Variants in SETD1B observed in about 807,000 individuals in gnomAD.
SETD1B encodes the protein histone-lysine N-methyltransferase SETD1B.
Under a neutral mutation model 148.0 loss-of-function variants are expected in SETD1B, and 7 were observed. The ratio of observed to expected loss-of-function variants is 0.05; its 90% confidence interval spans 0.03 to 0.09. The LOEUF is 0.09. Ranked by LOEUF, SETD1B falls within the 10% of genes least tolerant of loss-of-function variation. SETD1B has a pLI of 1.00. For synonymous variants in SETD1B, 1,361 were observed against 1,186.5 expected (o/e 1.15, Z -3.02); for missense variants, 2,155 against 2,729.9 (o/e 0.79, Z 4.69).
At chr12:121,794,805 C>G in the SETD1B span, among the ~76,000 whole-genome samples, 1 of 152,088 alleles carries the variant, frequency 6.6e-6, no homozygotes, top group African/African-American at 2.4e-5. Context: ...CGGTCCACGG[C>G]AGACAGGCAC....
chr12:121,802,932 C>T (rs1383108245), upstream of SETD1B: 1 of 152,282 alleles, frequency 6.6e-6, no homozygotes, highest in East Asian at 1.9e-4. Context: ...GTTGGCCTCT[C>T]CTTCGTGTCT....
chr12:121,821,481 G>A (rs1876565961), intron 11 of SETD1B, among the ~76,000 whole-genome samples: 1 of 150,954 alleles, frequency 6.6e-6, no homozygotes, highest in South Asian at 2.1e-4. Flanking sequence ...CGGGCGCGGT[G>A]GCTCACACCT....
chr12:121,795,038 C>T, the SETD1B span, among the ~76,000 whole-genome samples: 1 of 152,150 alleles, frequency 6.6e-6, no homozygotes. Context: ...GGAGGAAAAC[C>T]GCCAACCTGG....
chr12:121,819,553 G>C lies in SETD1B; in HGVS notation c.3568G>C (p.Glu1190Gln). 1 of 1,551,328 alleles carries C rather than the reference G, an allele frequency of 6.4e-7. No individual in the cohort carries two copies. The highest frequency in any genetic ancestry group is 8.7e-7 in the Non-Finnish European group (1 of 1,146,244). Residue 1190 changes from glutamate to glutamine, a missense_variant, in exon 11 of 17, where the codon GAG becomes CAG. By Grantham distance (29) the Glu-to-Gln change is conservative. This residue lies in a region of SETD1B where 862 missense variants were observed against 873.8 expected (regional missense o/e 0.99). Transcript: ENST00000604567. ...EVVAREEEEE[E>Q]EEEEMVAEES... Reference sequence around the variant, plus strand: ...AGTGGCCAGGGAAGAGGAGGAAGAAGAGGAGGAGGAGGAGATGGTGGCCGA... The same window carrying C: ...AGTGGCCAGGGAAGAGGAGGAAGAACAGGAGGAGGAGGAGATGGTGGCCGA...
Position 121,830,019 on chromosome 12 carries a change from G to C in SETD1B, c.5728-47G>C, listed in dbSNP as rs1369182975. ...GTTTGGGGGGTCTGCAGTGGTGGGG[G>C]ACCCTGGGGGACCAGGGGCTCATTC... is the stretch of plus-strand genomic sequence containing the variant. On this transcript the variant is annotated intron_variant, in intron 16 of 16. Coordinates refer to ENST00000604567, the MANE Select transcript of SETD1B (RefSeq NM_001353345.2). This position sits in a 1 kb window ranked among gnomAD's most constrained non-coding sequence, Gnocchi z 5.7. 1.3e-6 allele frequency: 2 copies of C among 1,522,938 alleles called. No individual in the cohort carries two copies. Among genetic ancestry groups the C allele is most frequent in the Non-Finnish European group, 1.8e-6 (2 of 1,129,346 alleles). The allele number at this position is 1,522,938 out of a possible 1,614,324, so 94.3% of individuals were successfully genotyped here.
At position 121,814,566 on chromosome 12, in the gene SETD1B, G is replaced by A. The variant is rs1876196467; in HGVS notation, c.2351G>A (p.Arg784Gln). The change falls in exon 7 of 17, where the codon CGG becomes CAG. Residue 784 changes from arginine to glutamine, a missense_variant. Physicochemically the swap from Arg to Gln is conservative, Grantham distance 43. Around this residue, in one of 11 missense-constraint regions of SETD1B, gnomAD observed 289 missense variants for 423.7 expected, o/e 0.68. Transcript: ENST00000604567. ...SFQMQTQVLSRLMTGQGACPY... is the reference protein window; with the variant it reads ...SFQMQTQVLSQLMTGQGACPY... Reference sequence around the variant, plus strand: ...CAGATGCAAACGCAGGTGCTCAGCCGGCTGATGACGGGCCAGGGCGCCTGC... The same window carrying A: ...CAGATGCAAACGCAGGTGCTCAGCCAGCTGATGACGGGCCAGGGCGCCTGC... 1.3e-6 allele frequency: 2 copies of A among 1,506,432 alleles called. No individual in the cohort carries two copies. The highest frequency in any genetic ancestry group is 2.5e-5 in the East Asian group (1 of 40,312). 93.3% of individuals were successfully genotyped at this position (1,506,432 alleles called of 1,614,324 possible). A position where few individuals can be genotyped will look rare whatever the true frequency, so the allele number is the denominator to read the frequency against.
rs1409166648 is a variant in SETD1B at position 121,823,469 on chromosome 12, G to A, written c.4890G>A (p.Glu1630=). 1.3e-6 allele frequency: 2 copies of A among 1,550,302 alleles called. No individual in the cohort carries two copies. The highest frequency in any genetic ancestry group is 1.7e-6 in the Non-Finnish European group (2 of 1,146,888). ...PGPRGRDEVT[E]EYMELAKSRG... ...CCCGTGGGCGCGATGAGGTCACTGAGGAATACATGGAGTTGGCCAAGAGCC... is the reference window on the plus strand; with the variant it reads ...CCCGTGGGCGCGATGAGGTCACTGAAGAATACATGGAGTTGGCCAAGAGCC... The change falls in exon 12 of 17, where the codon GAG becomes GAA. Residue 1630 remains glutamate, a synonymous_variant. Transcript: ENST00000604567.
rs1054826458 is a variant in SETD1B, at chr12:121,808,067, G to C, written c.545-141G>C. 1 of 613,984 alleles carries C rather than the reference G, an allele frequency of 1.6e-6. No individual in the cohort carries two copies. Among genetic ancestry groups the C allele is most frequent in the Non-Finnish European group, 2.9e-6 (1 of 343,532 alleles). 38.0% of individuals were successfully genotyped at this position (613,984 alleles called of 1,614,324 possible). A position where few individuals can be genotyped will look rare whatever the true frequency, so the allele number is the denominator to read the frequency against. On this transcript the variant is annotated intron_variant, in intron 4 of 16. Transcript: ENST00000604567. This position sits in a 1 kb window ranked among gnomAD's most constrained non-coding sequence, Gnocchi z 5.3. The stretch of plus-strand genomic sequence containing the variant: ...CCCTGAGCGAGGTGCAGAGGGGTGG[G>C]AACTCAGGGCCACACAGCCTCCCTA...
chr12:121,793,888 C>T, the SETD1B span: 6 of 367,440 alleles, frequency 1.6e-5, no homozygotes, highest in Non-Finnish European at 2.9e-5. Flanking sequence ...AAGCTCCCAC[C>T]CCCAACCCAC....
intron 11 of SETD1B, 53 bp from the exon 12 acceptor site, chr12:121,822,435 TGA>T: frequency 6.8e-7 from 1 of 1,479,732 alleles, no homozygotes; most frequent in Non-Finnish European, 9.0e-7. Flanking sequence ...AATAAGGCAC[TGA>T]GAGACGTTTG....
rs917639822 is a variant in SETD1B, at chr12:121,814,163, C to T, written c.1948C>T (p.Pro650Ser). The T allele has an allele frequency of 1.9e-6, 3 of 1,548,066 alleles. No homozygotes were observed. The highest frequency in any genetic ancestry group is 3.4e-4 in the Middle Eastern group (2 of 5,806). Residue 650 changes from proline to serine, a missense_variant, in exon 7 of 17, where the codon CCC becomes TCC. Coordinates refer to ENST00000604567, the MANE Select transcript of SETD1B (RefSeq NM_001353345.2). ...EISDDEMPSA[P>S]ITSADCPKPM... ...CTCGGATGACGAGATGCCCTCGGCC[C>T]CCATCACCAGCGCTGACTGCCCCAA...
chr12:121,817,453 C>G lies in SETD1B; in HGVS notation c.3061C>G (p.Arg1021Gly). 11 of 1,547,152 alleles carry G rather than the reference C, an allele frequency of 7.1e-6. No individual in the cohort carries two copies. Among genetic ancestry groups the G allele is most frequent in the Non-Finnish European group, 8.7e-6 (10 of 1,143,884 alleles). ...KRDPKGVGVR[R>G]RPARPLELDS... ...GGACCCCAAGGGCGTGGGTGTGCGG[C>G]GGCGGCCGGCGCGGCCTCTGGAGCT... Residue 1021 changes from arginine (R) to glycine (G), a missense_variant, in exon 9 of 17, where the codon CGG becomes GGG. Transcript: ENST00000604567. This position sits in a 1 kb window ranked among gnomAD's most constrained non-coding sequence, Gnocchi z 8.1.
At chr12:121,821,140 A>G (rs1462968888) in intron 11 of SETD1B, among the ~76,000 whole-genome samples, 1 of 152,194 alleles carries the variant, frequency 6.6e-6, no homozygotes, top group East Asian at 1.9e-4. Flanking sequence ...TTCCACCATT[A>G]ACCACAGTCT....
Position 121,805,276 on chromosome 12 carries a change from C to T in SETD1B, c.273+60C>T. The T allele has an allele frequency of 8.5e-7, 1 of 1,176,172 alleles. No individual in the cohort carries two copies. Among genetic ancestry groups the T allele is most frequent in the Non-Finnish European group, 1.2e-6 (1 of 866,670 alleles). 72.9% of individuals were successfully genotyped at this position (1,176,172 alleles called of 1,614,324 possible). ...CCCACCTCCCCGAGTTCGAAAATAA[C>T]GCCAGTCCTGACCGAGCCCAGCCGG... is the stretch of plus-strand genomic sequence containing the variant. On this transcript the variant is annotated intron_variant, in intron 3 of 16. Transcript: ENST00000604567. This position sits in a 1 kb window ranked among gnomAD's most constrained non-coding sequence, Gnocchi z 4.2.
At chr12:121,809,523 C>T in intron 5 of SETD1B, 80 bp from the exon 6 acceptor site, 1 of 1,428,990 alleles carries the variant, frequency 7.0e-7, no homozygotes, top group Non-Finnish European at 9.3e-7. Context: ...AGCTTCCCAG[C>T]AGCCAGAGTG....
chr12:121,805,820 C>T lies in SETD1B; in HGVS notation c.274-15C>T. 1.9e-6 allele frequency: 3 copies of T among 1,548,886 alleles called. No individual in the cohort carries two copies. The highest frequency in any genetic ancestry group is 2.4e-5 in the East Asian group (1 of 40,862). Reference sequence around the variant, plus strand: ...AAACGTTCTTCAAACTCCCTTCCCCCTCGGCCCCTGCCAGATCGATGAGTT... The same window carrying T: ...AAACGTTCTTCAAACTCCCTTCCCCTTCGGCCCCTGCCAGATCGATGAGTT... On this transcript the variant is annotated splice_polypyrimidine_tract_variant and intron_variant, in intron 3 of 16. Coordinates refer to ENST00000604567, the MANE Select transcript of SETD1B (RefSeq NM_001353345.2). This position sits in a 1 kb window ranked among gnomAD's most constrained non-coding sequence, Gnocchi z 4.2.
At chr12:121,797,689 G>A in the SETD1B span, 1 of 443,664 alleles carries the variant, frequency 2.3e-6, no homozygotes, top group African/African-American at 2.0e-5. Flanking sequence ...AAGCAGGTGG[G>A]GAGTAAAGAC....
At chr12:121,793,770 C>T in the SETD1B span, 4 of 728,168 alleles carry the variant, frequency 5.5e-6, no homozygotes, top group Non-Finnish European at 8.2e-6. Flanking sequence ...CGGCCGACCT[C>T]CCAGCCTCAG....
At position 121,810,080 on chromosome 12, in the gene SETD1B, G is replaced by T; in HGVS notation, c.1135G>T (p.Ala379Ser). Residue 379 changes from alanine (A) to serine (S), a missense_variant, in exon 6 of 17, where the codon GCC (alanine) becomes TCC (serine). Physicochemically the swap from Ala to Ser is moderately conservative, Grantham distance 99. This residue lies in a region of SETD1B where 376 missense variants were observed against 385.0 expected (regional missense o/e 0.98). Transcript: ENST00000604567. This position sits in a 1 kb window ranked among gnomAD's most constrained non-coding sequence, Gnocchi z 7.6. ...KAQPQDSATF[A>S]HTPPPAQATP... ...TCAACCACAGGATTCAGCCACATTTGCCCACACTCCACCACCCGCCCAAGC... is the reference window on the plus strand; with the variant it reads ...TCAACCACAGGATTCAGCCACATTTTCCCACACTCCACCACCCGCCCAAGC... 6.5e-7 allele frequency: 1 copy of T among 1,550,112 alleles called. No individual in the cohort carries two copies. The highest frequency in any genetic ancestry group is 8.7e-7 in the Non-Finnish European group (1 of 1,146,898).
Sources: allele counts gnomAD v4.1 joint callset (sites outside exome capture counted in the v4.1 genomes callset), GRCh38; gene constraint gnomAD v4.1.1; regional missense constraint gnomAD v4.1.1; non-coding constraint Gnocchi (gnomAD v3.1); transcripts MANE v1.5; gene names NCBI Gene and HGNC (gene_info 2026-07-23, HGNC 2026-07-21).